Variants in NELL1 observed in about 807,000 individuals in gnomAD.
NELL1 encodes neural EGFL like 1.
In NELL1, 76 loss-of-function variants were observed where a neutral mutation model predicts 107.4. The observed-to-expected ratio is 0.71, with a 90% CI of 0.59 to 0.86. The LOEUF (loss-of-function observed/expected upper bound fraction) is 0.86. Ranked by LOEUF, NELL1 falls within the 40% of genes least tolerant of loss-of-function variation. The pLI is 0.00. For synonymous variants in NELL1, 353 were observed against 341.2 expected (o/e 1.03, Z -0.38); for missense variants, 1,024 against 1,005.5 (o/e 1.02, Z -0.25).
At chr11:20,779,908 C>T (rs1856821020) in intron 2 of NELL1, among the ~76,000 whole-genome samples, 2 of 152,196 alleles carry the variant, frequency 1.3e-5, no homozygotes, top group African/African-American at 2.4e-5. Flanking sequence ...CACAGCTAGT[C>T]ATCTGCAAAA....
intron 18 of NELL1, among the ~76,000 whole-genome samples, chr11:21,571,391 C>G (rs1857097658): frequency 2.6e-5 from 4 of 151,814 alleles, no homozygotes; most frequent in Admixed American, 2.6e-4. Flanking sequence ...CTCCCACATA[C>G]TAGCTTAAAA....
intron 2 of NELL1, among the ~76,000 whole-genome samples, chr11:20,769,914 C>G (rs1035935620): frequency 2.0e-5 from 3 of 152,114 alleles, no homozygotes; most frequent in Non-Finnish European, 4.4e-5. Flanking sequence ...TATCTGTTGT[C>G]TAAGTTAGAT....
chr11:20,719,646 A>T (rs903584538), intron 2 of NELL1, among the ~76,000 whole-genome samples: 1 of 152,090 alleles, frequency 6.6e-6, no homozygotes, highest in Non-Finnish European at 1.5e-5. Context: ...TTCTTTTTCC[A>T]TTATAGTCTT....
intron 13 of NELL1, among the ~76,000 whole-genome samples, chr11:21,193,096 A>G (rs1189362569): frequency 6.6e-6 from 1 of 151,744 alleles, no homozygotes; most frequent in Non-Finnish European, 1.5e-5. Context: ...TTTAAACGTG[A>G]GGTATTGCAG....
At chr11:20,833,457 A>G (rs956510575) in intron 3 of NELL1, among the ~76,000 whole-genome samples, 1 of 152,194 alleles carries the variant, frequency 6.6e-6, no homozygotes, top group Admixed American at 6.5e-5. Context: ...ACTACAAACC[A>G]GATATTACTA....
chr11:21,181,282 T>C (rs1359650543), intron 13 of NELL1, among the ~76,000 whole-genome samples: 1 of 151,920 alleles, frequency 6.6e-6, no homozygotes, highest in East Asian at 1.9e-4. Context: ...TTTTTGCCAC[T>C]ACTCATGGTG....
chr11:21,535,906 A>G (rs1052934271), intron 16 of NELL1, among the ~76,000 whole-genome samples: 3 of 152,144 alleles, frequency 2.0e-5, no homozygotes, highest in Non-Finnish European at 4.4e-5. Context: ...TTGTAAATCA[A>G]TGTTATATGA....
chr11:21,408,197 T>G (rs1383272462), intron 15 of NELL1, among the ~76,000 whole-genome samples: 2 of 152,024 alleles, frequency 1.3e-5, no homozygotes. Context: ...CCCAAGTGAT[T>G]GGAGTTACCA....
chr11:20,766,022 G>C (rs1346996193), intron 2 of NELL1, among the ~76,000 whole-genome samples: 1 of 152,104 alleles, frequency 6.6e-6, no homozygotes, highest in Non-Finnish European at 1.5e-5. Flanking sequence ...GTCATTGAAG[G>C]GTTTTGAACA....
chr11:20,849,524 G>A (rs1361603385), intron 4 of NELL1, among the ~76,000 whole-genome samples: 1 of 152,156 alleles, frequency 6.6e-6, no homozygotes, highest in East Asian at 1.9e-4. Flanking sequence ...TAGGAGATCT[G>A]TAGTTCACAG....
chr11:20,823,371 T>C (rs1050725936), intron 3 of NELL1, among the ~76,000 whole-genome samples: 1 of 151,138 alleles, frequency 6.6e-6, no homozygotes, highest in Non-Finnish European at 1.5e-5. Flanking sequence ...ACTGGGTCTC[T>C]CCCACAACAT....
chr11:21,135,753 A>T (rs1760760104), intron 13 of NELL1, among the ~76,000 whole-genome samples: 1 of 152,222 alleles, frequency 6.6e-6, no homozygotes, highest in Non-Finnish European at 1.5e-5. Flanking sequence ...ACAACATAGT[A>T]GTTGCTCAAT....
chr11:21,252,453 C>G (rs1483619828), intron 14 of NELL1, among the ~76,000 whole-genome samples: 1 of 152,234 alleles, frequency 6.6e-6, no homozygotes, highest in South Asian at 2.1e-4. Flanking sequence ...CTGACACTCC[C>G]GTTTGACCAT....
intron 15 of NELL1, among the ~76,000 whole-genome samples, chr11:21,494,089 T>C (rs1854909066): frequency 1.3e-5 from 2 of 152,116 alleles, no homozygotes; most frequent in South Asian, 4.1e-4. Context: ...ACCAAAGCCA[T>C]TTACATATAG....
rs572066893 is a variant in NELL1 at position 21,533,897 on chromosome 11, A to G, written c.1646-477A>G. ...CTTATCTCAAAGCTTTGCAGGACAT[A>G]TAATTATGACAAGTCTCTGGGGCTG... On this transcript the variant is annotated intron_variant, in intron 15 of 19. Coordinates refer to ENST00000357134, the MANE Select transcript of NELL1 (RefSeq NM_006157.5). Among the ~76,000 whole-genome samples the G allele has an allele frequency of 7.2e-5, 11 of 152,324 alleles. No homozygotes were observed. The East Asian group carries it at 2.1e-3, about 29-fold the overall frequency.
At chr11:21,407,727 C>G (rs1852270180) in intron 15 of NELL1, among the ~76,000 whole-genome samples, 1 of 149,460 alleles carries the variant, frequency 6.7e-6, no homozygotes, top group Non-Finnish European at 1.5e-5. Context: ...TCTCATCCCT[C>G]TCACCCACTT....
intron 13 of NELL1, among the ~76,000 whole-genome samples, chr11:21,181,279 C>G (rs879463897): frequency 4.6e-5 from 7 of 151,694 alleles, no homozygotes; most frequent in African/African-American, 1.7e-4. Context: ...CAGTTTTTGC[C>G]ACTACTCATG....
At chr11:21,307,789 C>T (rs1243632056) in intron 14 of NELL1, among the ~76,000 whole-genome samples, 1 of 151,906 alleles carries the variant, frequency 6.6e-6, no homozygotes. Context: ...TATATGAACC[C>T]TTACTTTAAG....
chr11:21,278,350 A>G (rs1368186018), intron 14 of NELL1, among the ~76,000 whole-genome samples: 1 of 152,258 alleles, frequency 6.6e-6, no homozygotes, highest in East Asian at 1.9e-4. Context: ...ATAAAACTGC[A>G]TTTGCTTTTA....
Sources: allele counts gnomAD v4.1 joint callset (sites outside exome capture counted in the v4.1 genomes callset), GRCh38; gene constraint gnomAD v4.1.1; transcripts MANE v1.5; gene names NCBI Gene and HGNC (gene_info 2026-07-23, HGNC 2026-07-21).